The following HOXD11 variants were observed in gnomAD, a reference collection of about 807,000 sequenced individuals.
HOXD11 encodes homeobox protein Hox-D11.
In HOXD11, 16 loss-of-function variants were observed where a neutral mutation model predicts 23.1. The observed-to-expected ratio is 0.69, with a 90% confidence interval of 0.47 to 1.05. The LOEUF is 1.05. HOXD11 is among the 50% of genes least tolerant of loss of function. The probability of loss-of-function intolerance (pLI) is 0.00; values close to 1 mark genes in which losing one functional copy is unlikely to be tolerated. For synonymous variants in HOXD11, 262 were observed against 224.4 expected, an observed-to-expected ratio of 1.17 and a Z score of -1.50; for missense variants, 564 against 495.6, an observed-to-expected ratio of 1.14 and a Z score of -1.31.
At position 176,107,676 on chromosome 2, in the gene HOXD11, CGCGGCGGCG is replaced by C. The variant is rs976186112; in HGVS notation, c.333_341del (p.Ala118_Ala120del). The stretch of plus-strand genomic sequence containing the variant: ...GCGCGGGGGGCTACGCTCCCTACTA[CGCGGCGGCG>C]GCGGCGGCGGCTGCGGCGGCCGCGG... On this transcript the variant is annotated inframe_deletion, in exon 1 of 2. Coordinates refer to ENST00000249504, the MANE Select transcript of HOXD11 (RefSeq NM_021192.3). 64 of 988,002 alleles carry C rather than the reference CGCGGCGGCG, an allele frequency of 6.5e-5. No individual in the cohort carries two copies. Among genetic ancestry groups the C allele is most frequent in the Admixed American group, 1.9e-4 (3 of 16,038 alleles). The allele number at this position is 988,002 out of a possible 1,614,324, so 61.2% of individuals were successfully genotyped here. A position where few individuals can be genotyped will look rare whatever the true frequency, so the allele number is the denominator to read the frequency against.
At chr2:176,111,858 G>T (rs1689680382), downstream of HOXD11, among the ~76,000 whole-genome samples, 2 of 83,292 alleles carry the variant, frequency 2.4e-5, no homozygotes, top group South Asian at 3.1e-4. Context: ...AACCTTCATC[G>T]GTTTTACCCC....
Position 176,107,646 on chromosome 2 carries a change from C to A in HOXD11, c.291C>A (p.Gly97=). Residue 97 remains glycine, a synonymous_variant, in exon 1 of 2, where the codon GGC becomes GGA. Transcript: ENST00000249504. ...GSSGGGPGGG[G]GGAGGYAPYY... ...GCGGGGGCGGCCCCGGCGGGGGCGG[C>A]GGCGGCGCGGGGGGCTACGCTCCCT... 1 of 975,962 alleles carries A rather than the reference C, an allele frequency of 1.0e-6. No homozygotes were observed. The highest frequency in any genetic ancestry group is 1.2e-6 in the Non-Finnish European group (1 of 823,548). The allele number at this position is 975,962 out of a possible 1,614,324, so 60.5% of individuals were successfully genotyped here.
rs1689641246 is a variant in HOXD11 at position 176,109,213 on chromosome 2, G to A, written c.*71G>A. 3 of 918,286 alleles carry A rather than the reference G, an allele frequency of 3.3e-6. No individual in the cohort carries two copies. Among genetic ancestry groups the A allele is most frequent in the Admixed American group, 1.9e-5 (1 of 53,844 alleles). 56.9% of individuals were successfully genotyped at this position (918,286 alleles called of 1,614,324 possible). A position where few individuals can be genotyped will look rare whatever the true frequency, so the allele number is the denominator to read the frequency against. The stretch of plus-strand genomic sequence containing the variant: ...CTTCCCACCAGCCTGCTCTCCGCAG[G>A]CCCACTGTCCTTGGGTTTAATGACG... On this transcript the variant is annotated 3_prime_UTR_variant, in exon 2 of 2. Coordinates refer to ENST00000249504, the MANE Select transcript of HOXD11 (RefSeq NM_021192.3).
In HOXD11 at chr2:176,107,976, A is replaced by T. The variant is rs1689608682; in HGVS notation, c.621A>T (p.Ala207=). ...PPPAPPQPEG[A]ADKGDPRTGA... is the part of the protein sequence containing the mutation. ...CCGCGCCGCCACAGCCCGAGGGCGC[A>T]GCCGACAAGGGCGACCCCAGGACCG... The change falls in exon 1 of 2, where the codon GCA becomes GCT. Residue 207 remains alanine (A), a synonymous_variant. Coordinates refer to ENST00000249504, the MANE Select transcript of HOXD11 (RefSeq NM_021192.3). The T allele has an allele frequency of 7.0e-7, 1 of 1,434,352 alleles. No individual in the cohort carries two copies. The highest frequency in any genetic ancestry group is 1.5e-5 in the African/African-American group (1 of 66,728). 88.9% of individuals were successfully genotyped at this position (1,434,352 alleles called of 1,614,324 possible). A position where few individuals can be genotyped will look rare whatever the true frequency, so the allele number is the denominator to read the frequency against.
chr2:176,109,068 C>G lies in HOXD11; in HGVS notation c.943C>G (p.Gln315Glu). ...LTDRQVKIWF[Q>E]NRRMKEKKLN... ...TGACCGGCAAGTCAAAATCTGGTTC[C>G]AGAATCGCAGGATGAAAGAAAAGAA... The change falls in exon 2 of 2, where the codon CAG (glutamine) becomes GAG (glutamate). Residue 315 changes from glutamine to glutamate, a missense_variant. Transcript: ENST00000249504. 6.2e-7 allele frequency: 1 copy of G among 1,614,188 alleles called. No homozygotes were observed. The highest frequency in any genetic ancestry group is 1.1e-5 in the South Asian group (1 of 91,082).
At chr2:176,111,318 G>T (rs1201642590), downstream of HOXD11, 1 of 151,528 alleles carries the variant, frequency 6.6e-6, no homozygotes, top group Non-Finnish European at 1.5e-5. Context: ...GCATCTAAAC[G>T]TAGCAAGCTT....
Position 176,107,962 on chromosome 2 carries a change from C to G in HOXD11, c.607C>G (p.Gln203Glu). Residue 203 changes from glutamine to glutamate, a missense_variant, in exon 1 of 2, where the codon CAG becomes GAG. Gln to Glu is a conservative substitution (Grantham distance 29). Coordinates refer to ENST00000249504, the MANE Select transcript of HOXD11 (RefSeq NM_021192.3). The part of the protein sequence containing the change: ...PQPPPPPAPP[Q>E]PEGAADKGDP... ...GCCCCCGCCGCCACCCGCGCCGCCA[C>G]AGCCCGAGGGCGCAGCCGACAAGGG... 1 of 1,403,866 alleles carries G rather than the reference C, an allele frequency of 7.1e-7. No homozygotes were observed. Among genetic ancestry groups the G allele is most frequent in the Non-Finnish European group, 9.2e-7 (1 of 1,084,158 alleles). 87.0% of individuals were successfully genotyped at this position (1,403,866 alleles called of 1,614,324 possible).
rs977741170 is a variant in HOXD11 at position 176,109,580 on chromosome 2, T to C, written c.*438T>C. ...CTTTGGGAAATGTACTTTTAGTCTG[T>C]CATATCAAGGCATGAGTCACTGTCT... On this transcript the variant is annotated 3_prime_UTR_variant, in exon 2 of 2. Transcript: ENST00000249504. The C allele has an allele frequency of 2.0e-5, 5 of 246,336 alleles. No individual in the cohort carries two copies. Among genetic ancestry groups the C allele is most frequent in the Non-Finnish European group, 4.0e-5 (5 of 126,012 alleles). 15.3% of individuals were successfully genotyped at this position (246,336 alleles called of 1,614,324 possible). A position where few individuals can be genotyped will look rare whatever the true frequency, so the allele number is the denominator to read the frequency against.
At chr2:176,108,864 C>G in intron 1 of HOXD11, 43 bp from the exon 2 acceptor site, 1 of 1,445,772 alleles carries the variant, frequency 6.9e-7, no homozygotes, top group South Asian at 1.2e-5. Context: ...TGGGGGCTGT[C>G]AGGCAGCGGC....
At position 176,107,437 on chromosome 2, in the gene HOXD11, T is replaced by C; in HGVS notation, c.82T>C (p.Phe28Leu). ...CGCCTACTATGTGGCCCCGTCTGAC[T>C]TCGCTAGCAAGCCTTCGTTCCTTTC... ...GCAYYVAPSD[F>L]ASKPSFLSQP... Residue 28 changes from phenylalanine (F) to leucine (L), a missense_variant, in exon 1 of 2, where the codon TTC becomes CTC. Coordinates refer to ENST00000249504, the MANE Select transcript of HOXD11 (RefSeq NM_021192.3). The C allele has an allele frequency of 6.2e-7, 1 of 1,613,930 alleles. No individual in the cohort carries two copies. Among genetic ancestry groups the C allele is most frequent in the East Asian group, 2.2e-5 (1 of 44,822 alleles).
chr2:176,108,279 G>A (rs1689617243), intron 1 of HOXD11, 143 bp downstream of exon 1: 2 of 576,092 alleles, frequency 3.5e-6, no homozygotes, highest in South Asian at 5.5e-5. Flanking sequence ...AGATTTCCTG[G>A]GCCGTTGTAA....
chr2:176,113,203 C>T (rs1689701424), downstream of HOXD11, among the ~76,000 whole-genome samples: 2 of 152,120 alleles, frequency 1.3e-5, no homozygotes. Context: ...CCGCTCTGTC[C>T]CCAAAGAGTG....
Position 176,107,825 on chromosome 2 carries a change from C to G in HOXD11, c.470C>G (p.Pro157Arg). ...GCTGCGCCGGGGCCGCCGCACGGCC[C>G]CGCGGGCGCCGCCTCCAACTTCTAC... ...VCAAPGPPHG[P>R]AGAASNFYSA... The change falls in exon 1 of 2, where the codon CCC becomes CGC. Residue 157 changes from proline (P) to arginine (R), a missense_variant. Transcript: ENST00000249504. 3 of 1,423,900 alleles carry G rather than the reference C, an allele frequency of 2.1e-6. No homozygotes were observed. The highest frequency in any genetic ancestry group is 2.8e-6 in the Non-Finnish European group (3 of 1,086,540). The allele number at this position is 1,423,900 out of a possible 1,614,324, so 88.2% of individuals were successfully genotyped here.
chr2:176,111,168 A>C (rs1370670836), downstream of HOXD11, among the ~76,000 whole-genome samples: 1 of 152,238 alleles, frequency 6.6e-6, no homozygotes, highest in East Asian at 1.9e-4. Context: ...AACAAAGCCT[A>C]CAATCGAAAA....
chr2:176,107,546 G>A lies in HOXD11; in HGVS notation c.191G>A (p.Arg64His). The part of the protein sequence containing the change: ...HVQPVREVAF[R>H]DYGLERAKWP... ...CAGCCCGTGCGCGAAGTGGCCTTCC[G>A]CGACTACGGCCTGGAGCGCGCCAAG... Residue 64 changes from arginine to histidine, a missense_variant, in exon 1 of 2, where the codon CGC (arginine) becomes CAC (histidine). Transcript: ENST00000249504. The A allele has an allele frequency of 6.2e-7, 1 of 1,612,052 alleles. No individual in the cohort carries two copies. The highest frequency in any genetic ancestry group is 8.5e-7 in the Non-Finnish European group (1 of 1,179,256).
downstream of HOXD11, among the ~76,000 whole-genome samples, chr2:176,114,710 C>T (rs1689723752): frequency 6.6e-6 from 1 of 152,180 alleles, no homozygotes; most frequent in South Asian, 2.1e-4. Context: ...GGGCGGGCTA[C>T]TAGGTCCCCC....
downstream of HOXD11, among the ~76,000 whole-genome samples, chr2:176,112,653 T>G (rs1017679121): frequency 3.9e-5 from 6 of 152,248 alleles, no homozygotes; most frequent in African/African-American, 1.4e-4. Context: ...TGACGCTACC[T>G]TTCCCGAGGC....
chr2:176,107,982 C>G lies in HOXD11; in HGVS notation c.627C>G (p.Asp209Glu). The change falls in exon 1 of 2, where the codon GAC (aspartate) becomes GAG (glutamate). Residue 209 changes from aspartate to glutamate, a missense_variant. Coordinates refer to ENST00000249504, the MANE Select transcript of HOXD11 (RefSeq NM_021192.3). The stretch of plus-strand genomic sequence containing the variant: ...CGCCACAGCCCGAGGGCGCAGCCGA[C>G]AAGGGCGACCCCAGGACCGGGGCTG... ...PAPPQPEGAA[D>E]KGDPRTGAGG... The G allele has an allele frequency of 6.9e-7, 1 of 1,454,240 alleles. No homozygotes were observed. Among genetic ancestry groups the G allele is most frequent in the Non-Finnish European group, 9.0e-7 (1 of 1,107,944 alleles). 90.1% of individuals were successfully genotyped at this position (1,454,240 alleles called of 1,614,324 possible).
intron 1 of HOXD11, chr2:176,108,671 GTGT>G: frequency 1.8e-6 from 1 of 551,910 alleles, no homozygotes; most frequent in Non-Finnish European, 3.2e-6. Context: ...GTGTGTGTGT[GTGT>G]GTGTGTGTGT....
Sources: gnomAD v4.1 joint callset for allele counts (sites outside exome capture counted in the v4.1 genomes callset) on GRCh38, gnomAD v4.1.1 for gene constraint, MANE v1.5 for transcripts, NCBI Gene and HGNC (gene_info 2026-07-23, HGNC 2026-07-21) for gene names.